Variants in ATP2B4 observed in about 807,000 individuals in gnomAD.
ATP2B4 encodes ATPase plasma membrane Ca2+ transporting 4.
Under a neutral mutation model 110.3 loss-of-function variants are expected in ATP2B4, and 39 were observed. The ratio of observed to expected loss-of-function variants is 0.35; its 90% CI spans 0.27 to 0.46. ATP2B4 has a LOEUF of 0.46. Among genes scored for constraint, ATP2B4 ranks in the 20% least tolerant of loss-of-function variants. ATP2B4 has a pLI of 1.00. For missense variants in ATP2B4, 1,135 were observed against 1,530.9 expected, an observed-to-expected ratio of 0.74 and a Z score of 4.32; for synonymous variants, 538 against 571.7, an observed-to-expected ratio of 0.94 and a Z score of 0.84.
chr1:203,731,170 G>A (rs1666697940), intron 20 of ATP2B4, among the ~76,000 whole-genome samples: 3 of 152,176 alleles, frequency 2.0e-5, no homozygotes, highest in Admixed American at 6.5e-5. Context: ...CCTCCTGCAG[G>A]TTCAAGCTCC....
At chr1:203,684,794 A>G (rs969270291) in intron 2 of ATP2B4, among the ~76,000 whole-genome samples, 3 of 152,056 alleles carry the variant, frequency 2.0e-5, no homozygotes, top group Admixed American at 6.5e-5. Flanking sequence ...TTTTTTTTCA[A>G]CTCTGCTGGA....
chr1:203,710,701 A>G (rs1460021751), intron 11 of ATP2B4, among the ~76,000 whole-genome samples, 176 bp from the exon 12 acceptor site: 3 of 152,222 alleles, frequency 2.0e-5, no homozygotes, highest in Non-Finnish European at 2.9e-5. Flanking sequence ...CTCCATCCAC[A>G]GCCCACCTAC....
At chr1:203,688,806 G>A (rs1195909619) in intron 2 of ATP2B4, among the ~76,000 whole-genome samples, 1 of 152,058 alleles carries the variant, frequency 6.6e-6, no homozygotes, top group Non-Finnish European at 1.5e-5. Context: ...AAGAAAGGGT[G>A]GGGGAGACAT....
chr1:203,735,754 CTCTCT>C (rs1558058878), intron 20 of ATP2B4, among the ~76,000 whole-genome samples: 1 of 152,222 alleles, frequency 6.6e-6, no homozygotes. Flanking sequence ...TTTCATATTC[CTCTCT>C]TAATTCCTTT....
chr1:203,672,323 T>A (rs1309904153), intron 1 of ATP2B4, among the ~76,000 whole-genome samples: 1 of 88,278 alleles, frequency 1.1e-5, no homozygotes, highest in Admixed American at 1.5e-4. Flanking sequence ...TTGCGGTGGC[T>A]CTTTTTTTTT....
intron 8 of ATP2B4, among the ~76,000 whole-genome samples, chr1:203,704,019 G>A (rs892676914): frequency 6.6e-6 from 1 of 152,194 alleles, no homozygotes; most frequent in Non-Finnish European, 1.5e-5. Context: ...TTTCCTGTGT[G>A]TAAGGGTTAA....
At position 203,739,975 on chromosome 1, in the gene ATP2B4, T is replaced by A; in HGVS notation, c.*121T>A. On this transcript the variant is annotated 3_prime_UTR_variant, in exon 21 of 21. Coordinates refer to ENST00000357681, the MANE Select transcript of ATP2B4 (RefSeq NM_001684.5). ...GCTGCTGTGTTAACAGCAGTGTGTG[T>A]GAAGTGAACCTCTACCTGACCATGA... is the stretch of plus-strand genomic sequence containing the variant. 2 of 1,096,444 alleles carry A rather than the reference T, an allele frequency of 1.8e-6. No individual in the cohort carries two copies. Among genetic ancestry groups the A allele is most frequent in the Non-Finnish European group, 2.6e-6 (2 of 780,238 alleles). The allele number at this position is 1,096,444 out of a possible 1,614,324, so 67.9% of individuals were successfully genotyped here.
intron 20 of ATP2B4, among the ~76,000 whole-genome samples, chr1:203,729,991 C>T (rs574365491): frequency 1.1e-4 from 17 of 152,192 alleles, no homozygotes; most frequent in South Asian, 4.2e-4. Flanking sequence ...CTCCAGGAGA[C>T]GGCTTGGCCA....
chr1:203,711,128 C>T lies in ATP2B4; in HGVS notation c.2031+20C>T, dbSNP rs1048601240. 5 of 1,610,710 alleles carry T rather than the reference C, an allele frequency of 3.1e-6. No homozygotes were observed. Among genetic ancestry groups the T allele is most frequent in the Middle Eastern group, 1.6e-4 (1 of 6,062 alleles). ...CCAGAGGTGAGAGGGTGGGAAGCCACCCAGGAGTCTCAGGAAGTGGGGTAC... is the reference window on the plus strand; with the variant it reads ...CCAGAGGTGAGAGGGTGGGAAGCCATCCAGGAGTCTCAGGAAGTGGGGTAC... On this transcript the variant is annotated intron_variant, in intron 12 of 20. Transcript: ENST00000357681.
intron 19 of ATP2B4, among the ~76,000 whole-genome samples, chr1:203,725,594 A>AT (rs1666485327): frequency 6.6e-6 from 1 of 152,196 alleles, no homozygotes; most frequent in Non-Finnish European, 1.5e-5. Context: ...TATTCCTTAT[A>AT]AATAATCAAA....
intron 1 of ATP2B4, among the ~76,000 whole-genome samples, chr1:203,632,545 A>G (rs898302618): frequency 2.0e-5 from 3 of 151,562 alleles, no homozygotes; most frequent in Admixed American, 6.6e-5. Flanking sequence ...GGGTTTCACC[A>G]TGTTAGCCAG....
chr1:203,724,190 GAATTC>G (rs1219751025), intron 19 of ATP2B4, among the ~76,000 whole-genome samples: 39 of 152,102 alleles, frequency 2.6e-4, no homozygotes, highest in Admixed American at 2.6e-3. Flanking sequence ...AGAGGTTTCA[GAATTC>G]TTCTCTAACT....
chr1:203,713,130 A>T (rs749787783), intron 13 of ATP2B4, 35 bp from the exon 14 acceptor site: 2 of 1,612,564 alleles, frequency 1.2e-6, no homozygotes, highest in African/African-American at 1.3e-5. Context: ...GCTTTTCTGC[A>T]TTTGACTGAT....
intron 1 of ATP2B4, among the ~76,000 whole-genome samples, chr1:203,646,624 G>A (rs372459926): frequency 8.5e-5 from 13 of 152,100 alleles, no homozygotes; most frequent in African/African-American, 3.1e-4. Flanking sequence ...TTAGCCAGGC[G>A]TGGTGGCACA....
chr1:203,680,307 G>A (rs1664964782), intron 1 of ATP2B4, among the ~76,000 whole-genome samples: 1 of 152,072 alleles, frequency 6.6e-6, no homozygotes, highest in Non-Finnish European at 1.5e-5. Context: ...AATAACAAAA[G>A]TTCATTAAGA....
intron 1 of ATP2B4, among the ~76,000 whole-genome samples, chr1:203,630,365 CTCTCTTT>C (rs747207565): frequency 2.0e-3 from 187 of 93,588 alleles, no homozygotes; most frequent in East Asian, 4.6e-3. Context: ...CTCTCTCTCT[CTCTCTTT>C]TTTTTTTTTT....
At chr1:203,663,785 G>A (rs1157456595) in intron 1 of ATP2B4, among the ~76,000 whole-genome samples, 1 of 151,892 alleles carries the variant, frequency 6.6e-6, no homozygotes, top group Non-Finnish European at 1.5e-5. Flanking sequence ...TTTATTTTTT[G>A]TAGAGACGGT....
intron 1 of ATP2B4, among the ~76,000 whole-genome samples, chr1:203,674,456 A>G (rs4462216): frequency 0.72 from 108,758 of 151,666 alleles, 40,346 homozygotes; most frequent in Middle Eastern, 0.85. Context: ...CTCTGGGCCT[A>G]AGGGACTGCC....
rs186044025 is a variant in ATP2B4, at chr1:203,643,959, G to C, written c.-465+16740G>C. 2.6e-5 allele frequency among the ~76,000 whole-genome samples: 4 copies of C among 152,270 alleles called. No individual in the cohort carries two copies. In the East Asian group the frequency reaches 7.7e-4, roughly 29 times the overall value. ...CATAGAATGAGGATCAGTAAAGAAC[G>C]GATAGATGGGCCGGGTGTGGTGGCT... On this transcript the variant is annotated intron_variant, in intron 1 of 20. Transcript: ENST00000357681.
Sources: gnomAD v4.1 joint callset for allele counts (sites outside exome capture counted in the v4.1 genomes callset) on GRCh38, gnomAD v4.1.1 for gene constraint, MANE v1.5 for transcripts, NCBI Gene and HGNC (gene_info 2026-07-23, HGNC 2026-07-21) for gene names.